Variants in TYW1B observed in about 807,000 individuals in gnomAD.
TYW1B encodes tRNA-yW synthesizing protein 1 homolog B, also known as S-adenosyl-L-methionine-dependent tRNA 4-demethylwyosine synthase TYW1B.
In TYW1B, 73 loss-of-function variants were observed where a neutral mutation model predicts 86.9. The ratio of observed to expected loss-of-function variants is 0.84; its 90% CI spans 0.70 to 1.02. The LOEUF is 1.02. Among genes scored for constraint, TYW1B ranks in the 50% least tolerant of loss-of-function variants. The pLI, the probability that TYW1B is intolerant of heterozygous loss-of-function variation, is 0.00. For synonymous variants in TYW1B, 248 were observed against 292.8 expected (o/e 0.85, Z 1.56); for missense variants, 637 against 827.4 (o/e 0.77, Z 2.82).
chr7:72,626,676 C>G (rs1470522162), intron 12 of TYW1B, among the ~76,000 whole-genome samples: 1 of 152,096 alleles, frequency 6.6e-6, no homozygotes, highest in East Asian at 1.9e-4. Context: ...CAGCCCGTAC[C>G]TATAACCTAG....
chr7:72,680,030 G>A (rs146093526), intron 11 of TYW1B, among the ~76,000 whole-genome samples: 1,878 of 152,302 alleles, frequency 0.012, 13 homozygotes, highest in African/African-American at 0.043. Flanking sequence ...TTGGGAGGCT[G>A]AAGTGGGAGG....
intron 9 of TYW1B, among the ~76,000 whole-genome samples, chr7:72,727,831 A>AAAG (rs1554237444): frequency 0.078 from 8,038 of 102,932 alleles, 753 homozygotes; most frequent in Middle Eastern, 0.16. Context: ...AAAAAAAAAA[A>AAAG]AAGAAGAAAG....
intron 2 of TYW1B, among the ~76,000 whole-genome samples, chr7:72,825,272 A>G (rs1161203645): frequency 6.6e-6 from 1 of 152,164 alleles, no homozygotes; most frequent in Non-Finnish European, 1.5e-5. Context: ...TTCCCCCCCA[A>G]AAAAGAGAGA....
intron 11 of TYW1B, among the ~76,000 whole-genome samples, chr7:72,648,153 C>CT (rs1201717827): frequency 6.6e-6 from 1 of 152,090 alleles, no homozygotes; most frequent in African/African-American, 2.4e-5. Context: ...TACATATACA[C>CT]TTTTTAATAG....
At chr7:72,591,958 G>C (rs1268767047) in intron 13 of TYW1B, among the ~76,000 whole-genome samples, 1 of 151,598 alleles carries the variant, frequency 6.6e-6, no homozygotes, top group East Asian at 1.9e-4. Context: ...CGAGTAGCTG[G>C]GAATACAGGC....
intron 11 of TYW1B, among the ~76,000 whole-genome samples, chr7:72,673,228 T>C (rs1294937749): frequency 6.6e-6 from 1 of 152,236 alleles, no homozygotes; most frequent in African/African-American, 2.4e-5. Flanking sequence ...GAGAAGTTTA[T>C]ATACTACATA....
rs559929978 is a variant in TYW1B, at chr7:72,699,097, G to A, written c.1371-4275C>T. Among the ~76,000 whole-genome samples the A allele has an allele frequency of 5.3e-5, 8 of 152,210 alleles. No homozygotes were observed. In the East Asian group the frequency reaches 1.5e-3, roughly 29 times the overall value. On this transcript the variant is annotated intron_variant, in intron 10 of 13. Transcript: ENST00000620995. Reference sequence around the variant, plus strand: ...GACTAAGGTGGGGAAAATGTAATGGGTATAAATGGAGGAGTGAGTTGATTT... The same window carrying A: ...GACTAAGGTGGGGAAAATGTAATGGATATAAATGGAGGAGTGAGTTGATTT...
chr7:72,736,291 CA>C (rs1397063726), intron 8 of TYW1B, among the ~76,000 whole-genome samples: 1 of 152,088 alleles, frequency 6.6e-6, no homozygotes, highest in Non-Finnish European at 1.5e-5. Context: ...AAAACACCTC[CA>C]AAAAAGGAAG....
chr7:72,628,723 T>C (rs1168541097), intron 12 of TYW1B, among the ~76,000 whole-genome samples, 164 bp downstream of exon 12: 23 of 151,978 alleles, frequency 1.5e-4, no homozygotes, highest in African/African-American at 4.1e-4. Flanking sequence ...CCCCAAGGCC[T>C]AGAACAATTC....
chr7:72,744,462 A>T (rs1787358662), intron 8 of TYW1B, 22 bp downstream of exon 8: 1 of 1,605,882 alleles, frequency 6.2e-7, no homozygotes, highest in Non-Finnish European at 8.5e-7. Flanking sequence ...TTCGATCACC[A>T]TGACCTTTCA....
intron 7 of TYW1B, among the ~76,000 whole-genome samples, chr7:72,773,826 A>G (rs1458975793): frequency 6.6e-6 from 1 of 152,180 alleles, no homozygotes; most frequent in African/African-American, 2.4e-5. Context: ...GCACTTTGGG[A>G]GGCCAAGGCG....
At position 72,593,820 on chromosome 7, in the gene TYW1B, T is replaced by TAA. The variant is rs59821679; in HGVS notation, c.1786-18103_1786-18102dup. On this transcript the variant is annotated intron_variant, in intron 13 of 13. Coordinates refer to ENST00000620995, the MANE Select transcript of TYW1B (RefSeq NM_001145440.3). ...CTGGGTGACAGAGCCAGACTCCATC[T>TAA]AAAAAAAAAAAAAAAAAAAAAAAAA... Among the ~76,000 whole-genome samples, 22 of 43,690 alleles carry TAA rather than the reference T, an allele frequency of 5.0e-4. 1 individual carries two copies. Among genetic ancestry groups the TAA allele is most frequent in the African/African-American group, 9.4e-4 (10 of 10,616 alleles). The allele number at this position is 43,690 out of a possible 152,430, so 28.7% of individuals were successfully genotyped here.
At chr7:72,767,948 A>G (rs1554468850) in intron 7 of TYW1B, among the ~76,000 whole-genome samples, 2 of 152,042 alleles carry the variant, frequency 1.3e-5, no homozygotes, top group Non-Finnish European at 2.9e-5. Context: ...CCCAAACATA[A>G]AAGTTAAAAC....
intron 10 of TYW1B, among the ~76,000 whole-genome samples, chr7:72,697,379 G>T (rs1554451689): frequency 6.6e-6 from 1 of 152,064 alleles, no homozygotes; most frequent in Non-Finnish European, 1.5e-5. Context: ...ACTCAAGGAA[G>T]TCTACAGATC....
At chr7:72,807,999 G>A (rs1788528726) in intron 4 of TYW1B, among the ~76,000 whole-genome samples, 3 of 151,606 alleles carry the variant, frequency 2.0e-5, no homozygotes, top group African/African-American at 7.3e-5. Context: ...TTGAGGCCAG[G>A]AGTTCAAGAG....
At chr7:72,579,435 T>C (rs1811098565) in intron 13 of TYW1B, among the ~76,000 whole-genome samples, 1 of 152,206 alleles carries the variant, frequency 6.6e-6, no homozygotes, top group Non-Finnish European at 1.5e-5. Flanking sequence ...CAGGCTGCCG[T>C]AACAAAATGC....
At chr7:72,657,233 C>T (rs3015894) in intron 11 of TYW1B, among the ~76,000 whole-genome samples, 2 of 151,750 alleles carry the variant, frequency 1.3e-5, no homozygotes, top group Admixed American at 6.6e-5. Context: ...AGCTTCAACA[C>T]GAGATTAGAG....
intron 7 of TYW1B, among the ~76,000 whole-genome samples, chr7:72,756,354 C>T (rs1787589123): frequency 6.6e-6 from 1 of 152,020 alleles, no homozygotes; most frequent in Non-Finnish European, 1.5e-5. Context: ...CCCGCCTCAG[C>T]CTCCCAAGTA....
At chr7:72,615,192 T>C (rs1166153969) in intron 13 of TYW1B, among the ~76,000 whole-genome samples, 2 of 152,260 alleles carry the variant, frequency 1.3e-5, no homozygotes, top group African/African-American at 2.4e-5. Context: ...GTTTGCTATC[T>C]ATTTCCTCTA....
Sources: allele counts gnomAD v4.1 joint callset (sites outside exome capture counted in the v4.1 genomes callset), GRCh38; gene constraint gnomAD v4.1.1; transcripts MANE v1.5; gene names NCBI Gene and HGNC (gene_info 2026-07-23, HGNC 2026-07-21).